Variants in NAPB observed in about 807,000 individuals in gnomAD.
NAPB encodes the protein beta-soluble NSF attachment protein.
A neutral mutation model predicts 44.7 loss-of-function variants in NAPB; 26 were observed. The ratio of observed to expected loss-of-function variants is 0.58; its 90% CI spans 0.43 to 0.81. The LOEUF is 0.81. NAPB is among the 30% of genes least tolerant of loss of function. NAPB has a pLI of 0.00. For missense variants in NAPB, 315 were observed against 356.4 expected, an observed-to-expected ratio of 0.88 and a Z score of 0.94; for synonymous variants, 120 against 116.8, an observed-to-expected ratio of 1.03 and a Z score of -0.18.
Position 23,421,186 on chromosome 20 carries a change from C to G in NAPB, c.98+119G>C, listed in dbSNP as rs554844045. 5.7e-5 allele frequency: 46 copies of G among 803,080 alleles called. No homozygotes were observed. The East Asian group carries it at 1.3e-3, about 23-fold the overall frequency. 49.7% of individuals were successfully genotyped at this position (803,080 alleles called of 1,614,324 possible). A position where few individuals can be genotyped will look rare whatever the true frequency, so the allele number is the denominator to read the frequency against. On this transcript the variant is annotated intron_variant, in intron 1 of 10. Transcript: ENST00000377026. ...GGAGGGCGCCTGCAGGCTGAGGGCC[C>G]CTAGACGTGGTCTGAGGGCCCCAGA...
chr20:23,397,765 TTA>T (rs1393648823), intron 2 of NAPB, among the ~76,000 whole-genome samples: 3 of 152,222 alleles, frequency 2.0e-5, no homozygotes, highest in Admixed American at 2.0e-4. Flanking sequence ...TGACTGAAAT[TTA>T]TATGAGGTTT....
At chr20:23,397,273 A>G in intron 2 of NAPB, 85 bp from the exon 3 acceptor site, 1 of 1,433,154 alleles carries the variant, frequency 7.0e-7, no homozygotes, top group East Asian at 2.5e-5. Context: ...TCCCTAGAAA[A>G]ATTATATTCC....
chr20:23,416,854 G>C (rs6137940), intron 1 of NAPB, among the ~76,000 whole-genome samples: 45,264 of 151,982 alleles, frequency 0.3, 6,777 homozygotes, highest in Middle Eastern at 0.38. Flanking sequence ...ATAAACACAA[G>C]TGAAGAATAC....
At position 23,374,882 on chromosome 20, in the gene NAPB, G is replaced by A. The variant is rs951439322; in HGVS notation, c.*2494C>T. On this transcript the variant is annotated 3_prime_UTR_variant, in exon 11 of 11. Transcript: ENST00000377026. ...AGCTATAAAAATGTTGCCACAAAAA[G>A]CAAAACTTTCCTCTAAGAAATATTA... 5.9e-5 allele frequency: 9 copies of A among 152,390 alleles called. No individual in the cohort carries two copies. The highest frequency in any genetic ancestry group is 2.6e-4 in the Admixed American group (4 of 15,298). The allele number at this position is 152,390 out of a possible 1,614,324, so 9.4% of individuals were successfully genotyped here.
intron 7 of NAPB, 51 bp from the exon 8 acceptor site, chr20:23,381,368 G>T: frequency 8.7e-7 from 1 of 1,151,564 alleles, no homozygotes; most frequent in Non-Finnish European, 1.2e-6. Context: ...TCTTATATCA[G>T]GCAAAGTCAT....
At chr20:23,420,464 G>A (rs892375624) in intron 1 of NAPB, among the ~76,000 whole-genome samples, 2 of 152,146 alleles carry the variant, frequency 1.3e-5, no homozygotes, top group Non-Finnish European at 2.9e-5. Flanking sequence ...CACCAGCTCT[G>A]GATCCCTCGC....
At chr20:23,394,725 C>T (rs1984224157) in intron 5 of NAPB, among the ~76,000 whole-genome samples, 197 bp downstream of exon 5, 1 of 152,156 alleles carries the variant, frequency 6.6e-6, no homozygotes, top group Non-Finnish European at 1.5e-5. Context: ...TCTTAATCAG[C>T]TCTCATGTCT....
intron 2 of NAPB, among the ~76,000 whole-genome samples, chr20:23,397,470 G>C (rs1984455442): frequency 6.6e-6 from 1 of 152,210 alleles, no homozygotes; most frequent in African/African-American, 2.4e-5. Context: ...AATACCAGTA[G>C]CCAAGTCTTG....
intron 6 of NAPB, 61 bp downstream of exon 6, chr20:23,390,148 A>C: frequency 6.6e-7 from 1 of 1,526,682 alleles, no homozygotes; most frequent in Non-Finnish European, 9.1e-7. Flanking sequence ...AGTATAAAGA[A>C]GTATTTTTTT....
intron 5 of NAPB, among the ~76,000 whole-genome samples, chr20:23,393,802 A>G (rs1471638694): frequency 6.6e-6 from 1 of 152,160 alleles, no homozygotes; most frequent in Non-Finnish European, 1.5e-5. Context: ...ATGAGCAAAA[A>G]TGGAAGGGCA....
intron 7 of NAPB, among the ~76,000 whole-genome samples, chr20:23,389,230 T>TAAAAAAAAAA (rs202242386): frequency 9.9e-6 from 1 of 101,072 alleles, no homozygotes; most frequent in Non-Finnish European, 1.8e-5. Flanking sequence ...TGACTATTAT[T>TAAAAAAAAAA]TAAAAAAAAA....
chr20:23,421,106 G>A (rs1418302960), intron 1 of NAPB, among the ~76,000 whole-genome samples, 199 bp downstream of exon 1: 2 of 151,634 alleles, frequency 1.3e-5, no homozygotes, highest in South Asian at 4.2e-4. Context: ...CGGACTGAGG[G>A]CCCCTGGGCG....
chr20:23,396,890 A>G (rs1984407970), intron 3 of NAPB, 182 bp downstream of exon 3: 1 of 435,360 alleles, frequency 2.3e-6, no homozygotes. Context: ...TCCTCATAAA[A>G]GCCCCCAAAT....
rs1163314118 is a variant in NAPB, at chr20:23,376,638, GA to G, written c.*737del. On this transcript the variant is annotated 3_prime_UTR_variant, in exon 11 of 11. Coordinates refer to ENST00000377026, the MANE Select transcript of NAPB (RefSeq NM_022080.3). ...CAACTAAAAGTGAAAACTATCTCCA[GA>G]AAAAGAGAAAAATTCCATTTCTAAC... The G allele has an allele frequency of 2.0e-5, 3 of 152,312 alleles. No individual in the cohort carries two copies. The highest frequency in any genetic ancestry group is 4.8e-5 in the African/African-American group (2 of 41,574). 9.4% of individuals were successfully genotyped at this position (152,312 alleles called of 1,614,324 possible).
intron 2 of NAPB, among the ~76,000 whole-genome samples, chr20:23,402,422 G>A (rs1568615780): frequency 6.6e-6 from 1 of 152,134 alleles, no homozygotes; most frequent in Non-Finnish European, 1.5e-5. Flanking sequence ...ATTTTGTTAT[G>A]CCCGGTCTCA....
chr20:23,421,267 ACCC>A (rs200080949), intron 1 of NAPB, 35 bp downstream of exon 1: 134,019 of 1,371,602 alleles, frequency 0.098, 8,118 homozygotes, highest in African/African-American at 0.42. Context: ...AAGTACGGAG[ACCC>A]CCCCCCCCCA....
At chr20:23,378,431 T>C (rs964267514) in intron 10 of NAPB, among the ~76,000 whole-genome samples, 12 of 149,212 alleles carry the variant, frequency 8.0e-5, no homozygotes, top group Admixed American at 2.7e-4. Context: ...AATATATATA[T>C]ATATTTATTA....
chr20:23,412,121 C>T (rs115617080), intron 1 of NAPB, among the ~76,000 whole-genome samples: 316 of 152,336 alleles, frequency 2.1e-3, no homozygotes, highest in African/African-American at 6.8e-3. Flanking sequence ...TTGTTTACTG[C>T]AGACTGGCTG....
intron 7 of NAPB, among the ~76,000 whole-genome samples, chr20:23,389,422 A>G (rs1011494212): frequency 9.9e-5 from 15 of 152,134 alleles, no homozygotes; most frequent in Admixed American, 9.8e-4. Context: ...TATGTAACTA[A>G]GAGAACTAAA....
Sources: gnomAD v4.1 joint callset for allele counts (sites outside exome capture counted in the v4.1 genomes callset) on GRCh38, gnomAD v4.1.1 for gene constraint, MANE v1.5 for transcripts, NCBI Gene and HGNC (gene_info 2026-07-23, HGNC 2026-07-21) for gene names.